YME1L1: variants seen among roughly 807,000 people sequenced by gnomAD.
YME1L1 encodes ATP-dependent zinc metalloprotease YME1L1.
YME1L1 carries 39 observed loss-of-function variants against 90.4 expected under a neutral mutation model. That is an observed-to-expected ratio of 0.43 (90% confidence interval 0.33 to 0.56). YME1L1 has a LOEUF of 0.56. Ranked by LOEUF, YME1L1 falls within the 20% of genes least tolerant of loss-of-function variation. YME1L1 has a pLI of 0.03. For missense variants in YME1L1, 617 were observed against 868.4 expected, an observed-to-expected ratio of 0.71 and a Z score of 3.64; for synonymous variants, 284 against 287.3, an observed-to-expected ratio of 0.99 and a Z score of 0.12.
intron 9 of YME1L1, among the ~76,000 whole-genome samples, chr10:27,126,299 C>T (rs1026401061): frequency 6.6e-6 from 1 of 151,846 alleles, no homozygotes; most frequent in African/African-American, 2.4e-5. Context: ...AAAAATTAGC[C>T]GGCATGGTGG....
Position 27,142,377 on chromosome 10 carries a change from T to C in YME1L1, c.430+10A>G. The C allele has an allele frequency of 7.1e-7, 1 of 1,400,764 alleles. No homozygotes were observed. The highest frequency in any genetic ancestry group is 9.5e-7 in the Non-Finnish European group (1 of 1,057,310). The allele number at this position is 1,400,764 out of a possible 1,614,324, so 86.8% of individuals were successfully genotyped here. ...TTTTTTTTCCACAATTTATGGTTGT[T>C]GCTTCATACCTGGCCAGTACTGAAG... On this transcript the variant is annotated intron_variant, in intron 4 of 18. Coordinates refer to ENST00000376016, the MANE Select transcript of YME1L1 (RefSeq NM_014263.4).
intron 8 of YME1L1, chr10:27,129,115 T>TAAAAA (rs1554805110): frequency 1.0e-5 from 1 of 100,052 alleles, no homozygotes. Context: ...AAAAAAAAAC[T>TAAAAA]CTCATTCCAA....
intron 7 of YME1L1, among the ~76,000 whole-genome samples, chr10:27,133,737 T>G (rs900685244): frequency 2.0e-5 from 3 of 152,216 alleles, no homozygotes; most frequent in African/African-American, 7.2e-5. Context: ...TGAATTTGTT[T>G]ATCTTTGAAA....
chr10:27,141,651 C>T (rs569098193), intron 4 of YME1L1, among the ~76,000 whole-genome samples: 37 of 146,044 alleles, frequency 2.5e-4, no homozygotes, highest in African/African-American at 6.6e-4. Flanking sequence ...CACACACAGA[C>T]GTCTTATTAG....
At chr10:27,120,937 A>G (rs761079119) in intron 12 of YME1L1, among the ~76,000 whole-genome samples, 1 of 152,352 alleles carries the variant, frequency 6.6e-6, no homozygotes, top group African/African-American at 2.4e-5. Context: ...GAAAATACGA[A>G]TAACTTCTAC....
intron 9 of YME1L1, among the ~76,000 whole-genome samples, chr10:27,126,082 AAATT>A (rs1200509686): frequency 6.6e-6 from 1 of 152,126 alleles, no homozygotes; most frequent in Non-Finnish European, 1.5e-5. Flanking sequence ...AAATAGTTAA[AAATT>A]TATTTATTTA....
chr10:27,147,526 C>T (rs746220580), intron 2 of YME1L1: 64 of 1,607,716 alleles, frequency 4.0e-5, no homozygotes, highest in African/African-American at 5.8e-5. Flanking sequence ...GGGTTCTGGA[C>T]GGATGTGCCA....
intron 1 of YME1L1, among the ~76,000 whole-genome samples, chr10:27,153,761 G>C (rs994837425): frequency 6.6e-6 from 1 of 152,160 alleles, no homozygotes; most frequent in South Asian, 2.1e-4. Flanking sequence ...AGGAAATAAA[G>C]AGCAGGGGAT....
intron 9 of YME1L1, among the ~76,000 whole-genome samples, chr10:27,124,057 T>C (rs2056893170): frequency 6.6e-6 from 1 of 152,222 alleles, no homozygotes; most frequent in South Asian, 2.1e-4. Flanking sequence ...CCTGATTTGA[T>C]GCTTTTTCAT....
At chr10:27,148,525 C>T (rs1419330024) in intron 2 of YME1L1, among the ~76,000 whole-genome samples, 1 of 152,102 alleles carries the variant, frequency 6.6e-6, no homozygotes, top group Non-Finnish European at 1.5e-5. Flanking sequence ...GACAGAAAAA[C>T]CAACCCCTCC....
chr10:27,114,149 T>C (rs1430078597), intron 18 of YME1L1, among the ~76,000 whole-genome samples: 1 of 152,144 alleles, frequency 6.6e-6, no homozygotes, highest in East Asian at 1.9e-4. Flanking sequence ...AATTGTATAG[T>C]GGTAAAGTCT....
intron 1 of YME1L1, among the ~76,000 whole-genome samples, chr10:27,151,363 T>A (rs1031962046): frequency 6.6e-6 from 1 of 152,248 alleles, no homozygotes; most frequent in African/African-American, 2.4e-5. Context: ...GTTGCCACTG[T>A]AATCCTGTTA....
intron 5 of YME1L1, among the ~76,000 whole-genome samples, chr10:27,135,231 AG>A (rs1374169948): frequency 6.6e-6 from 1 of 152,232 alleles, no homozygotes; most frequent in African/African-American, 2.4e-5. Flanking sequence ...CACTGAAAAC[AG>A]GTCACATATT....
chr10:27,134,781 C>T (rs377469882), intron 6 of YME1L1, 50 bp downstream of exon 6: 1 of 1,592,228 alleles, frequency 6.3e-7, no homozygotes, highest in African/African-American at 1.3e-5. Context: ...AGGACTATGA[C>T]TTCCTTTCAG....
chr10:27,112,560 T>C (rs1321250766), intron 18 of YME1L1, among the ~76,000 whole-genome samples: 2 of 152,186 alleles, frequency 1.3e-5, no homozygotes, highest in Non-Finnish European at 2.9e-5. Context: ...AGACCATTAC[T>C]AACCTACCCT....
rs1232826529 is a variant in YME1L1 at position 27,145,569 on chromosome 10, G to A, written c.190C>T (p.Leu64Phe). The A allele has an allele frequency of 6.2e-7, 1 of 1,612,924 alleles. No homozygotes were observed. Among genetic ancestry groups the A allele is most frequent in the Admixed American group, 1.7e-5 (1 of 59,968 alleles). ...CCAATTTTTAGTTCAGATAATCCAA[G>A]GTCCCTTAAGTTAAGTGAAGGCTGT... ...SSEPSLNLRD[L>F]GLSELKIGQI... The change falls in exon 3 of 19, where the codon CTT becomes TTT. Residue 64 changes from leucine (L) to phenylalanine (F), a missense_variant. Leu to Phe is a conservative substitution (Grantham distance 22). Coordinates refer to ENST00000376016, the MANE Select transcript of YME1L1 (RefSeq NM_014263.4).
At chr10:27,130,410 C>T (rs2056964287) in intron 8 of YME1L1, among the ~76,000 whole-genome samples, 2 of 152,294 alleles carry the variant, frequency 1.3e-5, no homozygotes, top group South Asian at 4.1e-4. Flanking sequence ...TAAATATAAT[C>T]TCCTATTTTT....
chr10:27,135,664 G>A (rs528601151), intron 5 of YME1L1, among the ~76,000 whole-genome samples: 1 of 152,214 alleles, frequency 6.6e-6, no homozygotes, highest in East Asian at 1.9e-4. Context: ...GGAAACAGAG[G>A]GGCATATTGA....
At chr10:27,153,622 A>G (rs945290280) in intron 1 of YME1L1, among the ~76,000 whole-genome samples, 1 of 152,348 alleles carries the variant, frequency 6.6e-6, no homozygotes, top group South Asian at 2.1e-4. Flanking sequence ...TCAAAATTTT[A>G]ACTGCAAACA....
Sources: gnomAD v4.1 joint callset for allele counts (sites outside exome capture counted in the v4.1 genomes callset) on GRCh38, gnomAD v4.1.1 for gene constraint, MANE v1.5 for transcripts, NCBI Gene and HGNC (gene_info 2026-07-23, HGNC 2026-07-21) for gene names.